Variants in CCAR1 observed in about 807,000 individuals in gnomAD.
The protein encoded by CCAR1 is cell division cycle and apoptosis regulator protein 1.
A neutral mutation model predicts 163.8 loss-of-function variants in CCAR1; 78 were observed. The observed-to-expected ratio is 0.48, with a 90% confidence interval of 0.40 to 0.57. The LOEUF (loss-of-function observed/expected upper bound fraction) is 0.57. CCAR1 is among the 20% of genes least tolerant of loss of function. The pLI is 0.00. For synonymous variants in CCAR1, 443 were observed against 460.7 expected (o/e 0.96, Z 0.49); for missense variants, 1,019 against 1,365.2 (o/e 0.75, Z 4.00).
At chr10:68,783,474 C>A (rs2056760835) in intron 19 of CCAR1, among the ~76,000 whole-genome samples, 1 of 151,856 alleles carries the variant, frequency 6.6e-6, no homozygotes, top group Non-Finnish European at 1.5e-5. Flanking sequence ...TTCCTGGCCT[C>A]ATCCATGTCT....
In CCAR1 at chr10:68,776,891, C is replaced by CTGTCT. The variant is rs2056673520; in HGVS notation, c.2650+3793_2650+3797dup. Among the ~76,000 whole-genome samples, 5 of 152,316 alleles carry CTGTCT rather than the reference C, an allele frequency of 3.3e-5. No homozygotes were observed. The South Asian group carries it at 1.0e-3, about 32-fold the overall frequency. ...TTCTCTCCCAGTCTCTCATATTGAA[C>CTGTCT]TGTCTACTTGACACCTCCACTTAGT... On this transcript the variant is annotated intron_variant, in intron 19 of 24. Coordinates refer to ENST00000265872, the MANE Select transcript of CCAR1 (RefSeq NM_018237.4).
In CCAR1 at chr10:68,729,261, T is replaced by A. The variant is rs574163323; in HGVS notation, c.73+6684T>A. On this transcript the variant is annotated intron_variant, in intron 2 of 24. Transcript: ENST00000265872. ...TGGTGACTTACTCTTTTTTGTTTTT[T>A]TGGGTTTTTTTGGTTTTTTTTTTTT... Among the ~76,000 whole-genome samples the A allele has an allele frequency of 5.3e-5, 8 of 151,600 alleles. No individual in the cohort carries two copies. The South Asian group carries it at 1.7e-3, about 31-fold the overall frequency.
intron 15 of CCAR1, among the ~76,000 whole-genome samples, chr10:68,757,833 TAAG>T (rs56988971): frequency 0.67 from 101,705 of 151,364 alleles, 34,589 homozygotes; most frequent in Non-Finnish European, 0.73. Flanking sequence ...CTTTGAGAAC[TAAG>T]AAGGTAGGAT....
intron 12 of CCAR1, among the ~76,000 whole-genome samples, 188 bp downstream of exon 12, chr10:68,755,015 A>G (rs1320695520): frequency 1.3e-5 from 2 of 152,214 alleles, no homozygotes; most frequent in East Asian, 3.8e-4. Context: ...TCTTATTTGT[A>G]CGCTACTAGT....
chr10:68,752,590 G>A (rs1315438666), intron 10 of CCAR1, among the ~76,000 whole-genome samples: 2 of 152,028 alleles, frequency 1.3e-5, no homozygotes, highest in Non-Finnish European at 2.9e-5. Flanking sequence ...ATAATTATAG[G>A]CCTGGCACTG....
At chr10:68,757,151 G>A in intron 14 of CCAR1, 143 bp from the exon 15 acceptor site, 1 of 549,134 alleles carries the variant, frequency 1.8e-6, no homozygotes, top group Non-Finnish European at 3.2e-6. Flanking sequence ...GTATGTACGT[G>A]GACTTGCCTA....
intron 19 of CCAR1, among the ~76,000 whole-genome samples, chr10:68,776,321 T>A (rs901339381): frequency 6.6e-6 from 1 of 151,728 alleles, no homozygotes; most frequent in Non-Finnish European, 1.5e-5. Context: ...CCCAGCACTT[T>A]GGGAGGCCAA....
intron 11 of CCAR1, among the ~76,000 whole-genome samples, chr10:68,754,432 T>TA (rs2056373973): frequency 6.6e-6 from 1 of 152,216 alleles, no homozygotes; most frequent in Admixed American, 6.5e-5. Flanking sequence ...GTATATTGTG[T>TA]ATAGTCTATA....
At chr10:68,767,722 T>C (rs2056553640) in intron 17 of CCAR1, among the ~76,000 whole-genome samples, 2 of 152,190 alleles carry the variant, frequency 1.3e-5, no homozygotes, top group Admixed American at 1.3e-4. Flanking sequence ...TTTTTGCATG[T>C]TGGCCAGTCT....
rs71028782 is a variant in CCAR1 at position 68,775,687 on chromosome 10, C to CTTTTTTTT, written c.2650+2608_2650+2615dup. On this transcript the variant is annotated intron_variant, in intron 19 of 24. Coordinates refer to ENST00000265872, the MANE Select transcript of CCAR1 (RefSeq NM_018237.4). Reference sequence around the variant, plus strand: ...ACCACGCCCAGCTAATTTTTCTTTTCTTTTTTTTTTTTTTTTTTTTTTTTT... The same window carrying CTTTTTTTT: ...ACCACGCCCAGCTAATTTTTCTTTTCTTTTTTTTTTTTTTTTTTTTTTTTTTTTTTTTT... Among the ~76,000 whole-genome samples the CTTTTTTTT allele has an allele frequency of 2.1e-3, 109 of 51,748 alleles. 9 individuals carry two copies. The highest frequency in any genetic ancestry group is 9.2e-3 in the African/African-American group (108 of 11,780). 33.9% of individuals were successfully genotyped at this position (51,748 alleles called of 152,430 possible).
chr10:68,749,473 C>A, intron 9 of CCAR1, 51 bp from the exon 10 acceptor site: 2 of 1,479,352 alleles, frequency 1.4e-6, no homozygotes, highest in Non-Finnish European at 1.8e-6. Flanking sequence ...CATTGAAGAG[C>A]TTTTCCATAA....
intron 19 of CCAR1, among the ~76,000 whole-genome samples, chr10:68,781,175 A>G (rs2056730918): frequency 6.6e-6 from 1 of 151,656 alleles, no homozygotes; most frequent in African/African-American, 2.4e-5. Flanking sequence ...GGAGGTTGCA[A>G]TGACCTGAGA....
At chr10:68,775,944 C>A (rs1312347555) in intron 19 of CCAR1, among the ~76,000 whole-genome samples, 3 of 152,134 alleles carry the variant, frequency 2.0e-5, no homozygotes, top group Admixed American at 6.6e-5. Context: ...GTCCTCCCGT[C>A]TTGGCCTCCC....
intron 15 of CCAR1, among the ~76,000 whole-genome samples, chr10:68,757,677 A>G (rs2056412733): frequency 6.6e-6 from 1 of 152,274 alleles, no homozygotes; most frequent in African/African-American, 2.4e-5. Context: ...CAGTCTCCCA[A>G]AGTGCTGGGA....
rs748121342 is a variant in CCAR1 at position 68,755,363 on chromosome 10, G to C, written c.1459-7G>C. 3 of 1,606,890 alleles carry C rather than the reference G, an allele frequency of 1.9e-6. No homozygotes were observed. The East Asian group carries it at 6.7e-5, about 36-fold the overall frequency. On this transcript the variant is annotated splice_polypyrimidine_tract_variant and splice_region_variant and intron_variant, in intron 12 of 24. Transcript: ENST00000265872. Reference sequence around the variant, plus strand: ...ATATATGTAAATGATTCTTTGTTTTGAATTAGTTTTTAGTGGGCATGAAAG... The same window carrying C: ...ATATATGTAAATGATTCTTTGTTTTCAATTAGTTTTTAGTGGGCATGAAAG...
chr10:68,767,936 T>C (rs2056555758), intron 17 of CCAR1, among the ~76,000 whole-genome samples: 1 of 152,258 alleles, frequency 6.6e-6, no homozygotes, highest in Non-Finnish European at 1.5e-5. Context: ...TCCTTAAAAA[T>C]AGAATTTCCA....
chr10:68,761,517 G>A (rs1191970113), intron 16 of CCAR1, among the ~76,000 whole-genome samples: 1 of 151,964 alleles, frequency 6.6e-6, no homozygotes, highest in African/African-American at 2.4e-5. Flanking sequence ...CATGTTGGCA[G>A]GCTAGTCTCG....
chr10:68,775,188 A>G (rs1208725774), intron 19 of CCAR1, among the ~76,000 whole-genome samples: 2 of 152,178 alleles, frequency 1.3e-5, no homozygotes, highest in Non-Finnish European at 2.9e-5. Flanking sequence ...TGCCTAAGGA[A>G]AAAACATGCT....
chr10:68,773,089 TGAA>T lies in CCAR1; in HGVS notation c.2646_2648del (p.Glu882del), dbSNP rs753068661. The T allele has an allele frequency of 2.0e-6, 3 of 1,501,556 alleles. No homozygotes were observed. The highest frequency in any genetic ancestry group is 2.7e-6 in the Non-Finnish European group (3 of 1,098,786). The allele number at this position is 1,501,556 out of a possible 1,614,324, so 93.0% of individuals were successfully genotyped here. ...CTATGGAAGCAGAAGAAGCTGAGGATGAAGAAGATGGTATGATTGAAATTTATT... is the reference window on the plus strand; with the variant it reads ...CTATGGAAGCAGAAGAAGCTGAGGATGAAGATGGTATGATTGAAATTTATT... On this transcript the variant is annotated inframe_deletion, in exon 19 of 25. Transcript: ENST00000265872.
Sources: allele counts gnomAD v4.1 joint callset (sites outside exome capture counted in the v4.1 genomes callset), GRCh38; gene constraint gnomAD v4.1.1; transcripts MANE v1.5; gene names NCBI Gene and HGNC (gene_info 2026-07-23, HGNC 2026-07-21).